MYT1L: variants seen among roughly 807,000 people sequenced by gnomAD.
The protein encoded by MYT1L is myelin transcription factor 1-like protein.
Under a neutral mutation model 126.7 loss-of-function variants are expected in MYT1L, and 12 were observed. The observed-to-expected ratio is 0.09, with a 90% CI of 0.06 to 0.15. The LOEUF is 0.15. MYT1L is among the 10% of genes least tolerant of loss of function. The pLI is 1.00. For synonymous variants in MYT1L, 541 were observed against 604.2 expected (o/e 0.90, Z 1.53); for missense variants, 979 against 1,585.2 (o/e 0.62, Z 6.49).
At chr2:2,106,637 CATAA>C (rs931818504) in intron 3 of MYT1L, among the ~76,000 whole-genome samples, 2 of 152,032 alleles carry the variant, frequency 1.3e-5, no homozygotes, top group African/African-American at 2.4e-5. Context: ...TAAATAAATA[CATAA>C]ATAAATAAAT....
intron 21 of MYT1L, chr2:1,816,677 T>C (rs954453351): frequency 6.5e-6 from 1 of 152,766 alleles, no homozygotes; most frequent in Non-Finnish European, 1.5e-5. Context: ...CTGCTTTGAC[T>C]TGACTTCAGG....
At chr2:1,953,652 T>C (rs1446170269) in intron 8 of MYT1L, among the ~76,000 whole-genome samples, 1 of 152,252 alleles carries the variant, frequency 6.6e-6, no homozygotes, top group East Asian at 1.9e-4. Flanking sequence ...GCCATCTAAT[T>C]AATTATTCCA....
At chr2:2,200,171 G>T (rs1480474047) in intron 2 of MYT1L, among the ~76,000 whole-genome samples, 1 of 152,124 alleles carries the variant, frequency 6.6e-6, no homozygotes, top group Non-Finnish European at 1.5e-5. Context: ...TCCATGATTT[G>T]CAGGTTTCAT....
chr2:2,171,626 G>A (rs549468299), intron 3 of MYT1L, among the ~76,000 whole-genome samples: 111 of 122,744 alleles, frequency 9.0e-4, no homozygotes, highest in African/African-American at 3.3e-3. Flanking sequence ...TGTCGTCGTC[G>A]TTGTTGTTGT....
chr2:2,223,762 C>A (rs1211197550), intron 2 of MYT1L, among the ~76,000 whole-genome samples: 1 of 152,180 alleles, frequency 6.6e-6, no homozygotes, highest in African/African-American at 2.4e-5. Context: ...ATCTACCCAG[C>A]ATATTTTATG....
intron 3 of MYT1L, among the ~76,000 whole-genome samples, chr2:2,066,395 C>T (rs528411505): frequency 2.6e-5 from 4 of 152,308 alleles, no homozygotes; most frequent in African/African-American, 7.2e-5. Flanking sequence ...AAGAACAGCC[C>T]CGCCTCTTCC....
At chr2:2,021,852 G>T (rs903371031) in intron 4 of MYT1L, among the ~76,000 whole-genome samples, 3 of 152,088 alleles carry the variant, frequency 2.0e-5, no homozygotes, top group African/African-American at 7.2e-5. Context: ...AGCCGAGATC[G>T]TGCCACTGCA....
In MYT1L at chr2:1,887,020, G is replaced by T; in HGVS notation, c.2643-413C>A. The stretch of plus-strand genomic sequence containing the variant: ...TGAGGTAAGCTGAAAACAATAAATT[G>T]AAAAGACAGAATCCACCATGAGAAA... On this transcript the variant is annotated intron_variant, in intron 17 of 24. Transcript: ENST00000647738. The surrounding 1 kb of genome is among the most constrained non-coding windows in gnomAD (Gnocchi z 4.8). 1 of 405,200 alleles carries T rather than the reference G, an allele frequency of 2.5e-6. No homozygotes were observed. Among genetic ancestry groups the T allele is most frequent in the South Asian group, 1.2e-4 (1 of 8,436 alleles). The allele number at this position is 405,200 out of a possible 1,614,324, so 25.1% of individuals were successfully genotyped here. A position where few individuals can be genotyped will look rare whatever the true frequency, so the allele number is the denominator to read the frequency against.
rs151110665 is a variant in MYT1L, at chr2:2,003,746, G to A, written c.-157-6399C>T. 9.1e-3 allele frequency among the ~76,000 whole-genome samples: 1,380 copies of A among 152,228 alleles called. 9 individuals carry two copies. The highest frequency in any genetic ancestry group is 0.015 in the Non-Finnish European group (1,053 of 68,000). On this transcript the variant is annotated intron_variant, in intron 4 of 24. Transcript: ENST00000647738. The stretch of plus-strand genomic sequence containing the variant: ...TGCCGAGCCTCCTCCATGTCTGCAC[G>A]CCTTCCTGTGTGGACCCCCACTTTC...
intron 5 of MYT1L, among the ~76,000 whole-genome samples, chr2:1,984,233 T>C (rs548996560): frequency 6.6e-6 from 1 of 152,180 alleles, no homozygotes; most frequent in Admixed American, 6.5e-5. Context: ...ATTTGATACA[T>C]ATATTTAGGG....
At chr2:1,875,032 C>T (rs2046725964) in intron 18 of MYT1L, among the ~76,000 whole-genome samples, 1 of 152,138 alleles carries the variant, frequency 6.6e-6, no homozygotes, top group African/African-American at 2.4e-5. Context: ...AGTATATTCT[C>T]ATTTATTCAT....
At chr2:2,196,676 A>C (rs1347197029) in intron 2 of MYT1L, among the ~76,000 whole-genome samples, 1 of 151,998 alleles carries the variant, frequency 6.6e-6, no homozygotes, top group Admixed American at 6.6e-5. Context: ...AAATGGTAAA[A>C]CTACCCTTGA....
At chr2:2,264,594 A>G (rs2095073475) in intron 2 of MYT1L, among the ~76,000 whole-genome samples, 1 of 152,172 alleles carries the variant, frequency 6.6e-6, no homozygotes, top group Non-Finnish European at 1.5e-5. Flanking sequence ...GTTCTGTGCA[A>G]CGCTGGCCCA....
intron 11 of MYT1L, among the ~76,000 whole-genome samples, chr2:1,916,194 G>C (rs2052798859): frequency 6.6e-6 from 1 of 152,168 alleles, no homozygotes; most frequent in Non-Finnish European, 1.5e-5. Flanking sequence ...AAAATGTTCA[G>C]CAAAAACTTC....
chr2:2,150,128 T>G (rs2085507592), intron 3 of MYT1L, among the ~76,000 whole-genome samples: 1 of 152,224 alleles, frequency 6.6e-6, no homozygotes, highest in Non-Finnish European at 1.5e-5. Context: ...GAAGCCCAGA[T>G]GCTTTGAATG....
chr2:2,295,707 GACAGACAGAGAGAGAGAT>G (rs2095674876), intron 1 of MYT1L, among the ~76,000 whole-genome samples: 1 of 146,672 alleles, frequency 6.8e-6, no homozygotes, highest in African/African-American at 2.6e-5. Flanking sequence ...GAGAGAGACA[GACAGACAGAGAGAGAGAT>G]AGAGAGACAG....
Position 1,795,866 on chromosome 2 carries a change from C to G in MYT1L, c.3277-3402G>C, listed in dbSNP as rs145075378. The G allele has an allele frequency of 2.0e-5, 3 of 152,338 alleles. No homozygotes were observed. In the East Asian group the frequency reaches 5.8e-4, roughly 29 times the overall value. 9.4% of individuals were successfully genotyped at this position (152,338 alleles called of 1,614,324 possible). The stretch of plus-strand genomic sequence containing the variant: ...CTGATGGCCAGTCTAGGCCCAAACC[C>G]GCATTTTTACAGACTTGTCCACACC... On this transcript the variant is annotated intron_variant, in intron 23 of 24. Transcript: ENST00000647738.
intron 23 of MYT1L, among the ~76,000 whole-genome samples, chr2:1,795,970 G>A (rs1220825881): frequency 6.6e-6 from 1 of 152,168 alleles, no homozygotes; most frequent in Non-Finnish European, 1.5e-5. Context: ...GTCAAATCTA[G>A]CCTGGGGCCT....
intron 8 of MYT1L, among the ~76,000 whole-genome samples, chr2:1,946,270 C>T (rs1228571238): frequency 6.6e-6 from 1 of 152,058 alleles, no homozygotes; most frequent in Non-Finnish European, 1.5e-5. Context: ...CCCACTGATT[C>T]TACATTATGG....
Sources: gnomAD v4.1 joint callset for allele counts (sites outside exome capture counted in the v4.1 genomes callset) on GRCh38, gnomAD v4.1.1 for gene constraint, Gnocchi (gnomAD v3.1) non-coding constraint, MANE v1.5 for transcripts, NCBI Gene and HGNC (gene_info 2026-07-23, HGNC 2026-07-21) for gene names.